Variants in TBCK observed in about 807,000 individuals in gnomAD.
The protein encoded by TBCK is TBC1 domain containing kinase.
Under a neutral mutation model 113.4 loss-of-function variants are expected in TBCK, and 99 were observed. The ratio of observed to expected loss-of-function variants is 0.87; its 90% CI spans 0.74 to 1.03. The LOEUF (loss-of-function observed/expected upper bound fraction) is 1.03, where lower values mean the gene tolerates loss of function less well. TBCK is among the 50% of genes least tolerant of loss of function. The pLI, the probability that TBCK is intolerant of heterozygous loss-of-function variation, is 0.00. For synonymous variants in TBCK, 369 were observed against 370.8 expected, an observed-to-expected ratio of 1.00 and a Z score of 0.05; for missense variants, 1,045 against 1,061.3, an observed-to-expected ratio of 0.98 and a Z score of 0.21.
In TBCK at chr4:106,233,747, AC is replaced by A. The variant is rs141946111; in HGVS notation, c.1450-98del. The A allele has an allele frequency of 0.068, 64,540 of 949,266 alleles. 2,410 individuals are homozygous for A. Among genetic ancestry groups the A allele is most frequent in the Middle Eastern group, 0.11 (328 of 2,876 alleles). 58.8% of individuals were successfully genotyped at this position (949,266 alleles called of 1,614,324 possible). On this transcript the variant is annotated intron_variant, in intron 15 of 25. Transcript: ENST00000394708. ...TTTTTACAAATATCTATCTTTGGAA[AC>A]CTACCCAACTACAGATAAGCACATT...
In TBCK at chr4:106,140,192, G is replaced by A. The variant is rs1232838759; in HGVS notation, c.2236-23814C>T. 2.1e-5 allele frequency among the ~76,000 whole-genome samples: 3 copies of A among 140,618 alleles called. 1 individual carries two copies. Among genetic ancestry groups the A allele is most frequent in the African/African-American group, 7.5e-5 (3 of 39,902 alleles). The allele number at this position is 140,618 out of a possible 152,430, so 92.3% of individuals were successfully genotyped here. A position where few individuals can be genotyped will look rare whatever the true frequency, so the allele number is the denominator to read the frequency against. ...CAAGAAAAAGTATTTGATAAATGGA[G>A]TTATGGGCAATATTTATTGTGGTGA... is the stretch of plus-strand genomic sequence containing the variant. On this transcript the variant is annotated intron_variant, in intron 23 of 25. Transcript: ENST00000394708.
intron 22 of TBCK, among the ~76,000 whole-genome samples, chr4:106,183,283 AAAT>A (rs2149784468): frequency 6.6e-6 from 1 of 152,050 alleles, no homozygotes; most frequent in South Asian, 2.1e-4. Flanking sequence ...ATTGCATATA[AAAT>A]AATATCCAAT....
Position 106,043,625 on chromosome 4 carries a change from C to G in TBCK, c.*2945G>C, listed in dbSNP as rs1159390540. 3 of 151,932 alleles carry G rather than the reference C, an allele frequency of 2.0e-5. No individual in the cohort carries two copies. Among genetic ancestry groups the G allele is most frequent in the East Asian group, 3.9e-4 (2 of 5,192 alleles). 9.4% of individuals were successfully genotyped at this position (151,932 alleles called of 1,614,324 possible). On this transcript the variant is annotated 3_prime_UTR_variant, in exon 26 of 26. Transcript: ENST00000394708. The stretch of plus-strand genomic sequence containing the variant: ...TTATTAGTAAATTATGAATGGAATG[C>G]TTTAGTAGATTTGGGGCTCTTAGTG...
At position 106,043,395 on chromosome 4, in the gene TBCK, A is replaced by T. The variant is rs1393576044; in HGVS notation, c.*3175T>A. 6.6e-6 allele frequency: 1 copy of T among 152,128 alleles called. No individual in the cohort carries two copies. The highest frequency in any genetic ancestry group is 2.4e-5 in the African/African-American group (1 of 41,406). The allele number at this position is 152,128 out of a possible 1,614,324, so 9.4% of individuals were successfully genotyped here. On this transcript the variant is annotated 3_prime_UTR_variant, in exon 26 of 26. Transcript: ENST00000394708. Reference sequence around the variant, plus strand: ...CAGATAAGTTTGGCAGTTGAAAAAAATTACCACAGGTTATTTTTATTTTTC... The same window carrying T: ...CAGATAAGTTTGGCAGTTGAAAAAATTTACCACAGGTTATTTTTATTTTTC...
intron 19 of TBCK, among the ~76,000 whole-genome samples, chr4:106,218,468 C>T (rs1757257445): frequency 6.9e-6 from 1 of 144,018 alleles, no homozygotes; most frequent in Non-Finnish European, 1.5e-5. Flanking sequence ...GCAACCTACT[C>T]ATCTGACAAA....
intron 24 of TBCK, among the ~76,000 whole-genome samples, chr4:106,109,050 C>T (rs1578917683): frequency 6.6e-6 from 1 of 150,942 alleles, no homozygotes; most frequent in Admixed American, 6.6e-5. Context: ...CACACACACT[C>T]CCTAGGAATA....
At chr4:106,293,059 C>G (rs182894321) in intron 3 of TBCK, among the ~76,000 whole-genome samples, 58 of 152,298 alleles carry the variant, frequency 3.8e-4, no homozygotes, top group African/African-American at 1.4e-3. Flanking sequence ...AGCATTACTT[C>G]CCAACCACAA....
chr4:106,177,307 A>G (rs1283188697), intron 22 of TBCK, among the ~76,000 whole-genome samples: 2 of 151,506 alleles, frequency 1.3e-5, no homozygotes, highest in Non-Finnish European at 2.9e-5. Context: ...CACTCTGTTG[A>G]TTGTTTCCTT....
At chr4:106,119,774 T>C (rs1254396325) in intron 23 of TBCK, among the ~76,000 whole-genome samples, 1 of 152,126 alleles carries the variant, frequency 6.6e-6, no homozygotes, top group Non-Finnish European at 1.5e-5. Context: ...AGACAAGGGA[T>C]TAATAACCAG....
At chr4:106,225,708 C>T (rs754001097) in intron 19 of TBCK, among the ~76,000 whole-genome samples, 8 of 152,078 alleles carry the variant, frequency 5.3e-5, no homozygotes, top group Admixed American at 3.9e-4. Context: ...CTGCCCTCCT[C>T]GGCCTCCCAA....
chr4:106,169,143 T>C (rs1202247335), intron 23 of TBCK, among the ~76,000 whole-genome samples: 3 of 152,114 alleles, frequency 2.0e-5, no homozygotes, highest in Non-Finnish European at 4.4e-5. Flanking sequence ...TCTTCCCAAA[T>C]TGATATGTAG....
rs188211920 is a variant in TBCK, at chr4:106,110,010, C to A, written c.2411+6193G>T. Among the ~76,000 whole-genome samples the A allele has an allele frequency of 1.5e-3, 235 of 152,324 alleles. 1 individual carries two copies. The highest frequency in any genetic ancestry group is 2.9e-3 in the Non-Finnish European group (197 of 68,032). ...AACAAGGGGATATAAAGGAATTGATCTAGATAAGTTAGTTTATTTAGGCCT... is the reference window on the plus strand; with the variant it reads ...AACAAGGGGATATAAAGGAATTGATATAGATAAGTTAGTTTATTTAGGCCT... On this transcript the variant is annotated intron_variant, in intron 24 of 25. Coordinates refer to ENST00000394708, the MANE Select transcript of TBCK (RefSeq NM_001163435.3).
rs1764210304 is a variant in TBCK at position 106,278,206 on chromosome 4, A to C, written c.267-15994T>G. Among the ~76,000 whole-genome samples, 3 of 152,140 alleles carry C rather than the reference A, an allele frequency of 2.0e-5. No individual in the cohort carries two copies. The South Asian group carries it at 6.2e-4, about 32-fold the overall frequency. ...CTTGATCTAAAAAAGTACAAAACTA[A>C]ATGAAGTTTTTCAGGCAGAAAGGAC... On this transcript the variant is annotated intron_variant, in intron 3 of 25. Transcript: ENST00000394708.
chr4:106,090,867 T>A (rs1740141447), intron 25 of TBCK, among the ~76,000 whole-genome samples: 1 of 152,242 alleles, frequency 6.6e-6, no homozygotes, highest in Non-Finnish European at 1.5e-5. Flanking sequence ...TCCATACAGC[T>A]ATCAGCATTT....
At chr4:106,151,228 T>A (rs1748447791) in intron 23 of TBCK, among the ~76,000 whole-genome samples, 1 of 152,036 alleles carries the variant, frequency 6.6e-6, no homozygotes, top group Non-Finnish European at 1.5e-5. Context: ...CTAGTTATTT[T>A]AAAATGTACA....
At chr4:106,115,511 A>G (rs926269388) in intron 24 of TBCK, among the ~76,000 whole-genome samples, 2 of 152,192 alleles carry the variant, frequency 1.3e-5, no homozygotes, top group Non-Finnish European at 2.9e-5. Flanking sequence ...TATAACATTC[A>G]TTTATATTTT....
intron 8 of TBCK, among the ~76,000 whole-genome samples, 163 bp downstream of exon 8, chr4:106,248,758 G>A (rs1291912086): frequency 3.9e-5 from 6 of 152,166 alleles, no homozygotes; most frequent in Admixed American, 3.9e-4. Flanking sequence ...TCTCTCAGAA[G>A]ACTGCAGCCC....
intron 19 of TBCK, among the ~76,000 whole-genome samples, chr4:106,218,539 C>A: frequency 9.8e-6 from 1 of 101,622 alleles, no homozygotes; most frequent in Non-Finnish European, 2.0e-5. Context: ...AACAAACAAC[C>A]CCATCAAAAA....
chr4:106,183,003 G>A (rs1199403512), intron 22 of TBCK, among the ~76,000 whole-genome samples: 2 of 151,976 alleles, frequency 1.3e-5, no homozygotes, highest in Non-Finnish European at 2.9e-5. Context: ...TACACTTCAA[G>A]GAATACAGCA....
Sources: allele counts gnomAD v4.1 joint callset (sites outside exome capture counted in the v4.1 genomes callset), GRCh38; gene constraint gnomAD v4.1.1; transcripts MANE v1.5; gene names NCBI Gene and HGNC (gene_info 2026-07-23, HGNC 2026-07-21).